TSG101: variants seen among roughly 807,000 people sequenced by gnomAD.
TSG101 encodes tumor susceptibility 101.
Under a neutral mutation model 48.5 loss-of-function variants are expected in TSG101, and 19 were observed. The observed-to-expected ratio is 0.39, with a 90% CI of 0.27 to 0.58. The LOEUF (loss-of-function observed/expected upper bound fraction) is 0.58. TSG101 is among the 20% of genes least tolerant of loss of function. TSG101 has a pLI of 0.55. For missense variants in TSG101, 365 were observed against 484.4 expected, an observed-to-expected ratio of 0.75 and a Z score of 2.31; for synonymous variants, 174 against 169.4, an observed-to-expected ratio of 1.03 and a Z score of -0.21.
At chr11:18,519,711 G>T in intron 1 of TSG101, 108 bp from the exon 2 acceptor site, 1 of 773,538 alleles carries the variant, frequency 1.3e-6, no homozygotes. Flanking sequence ...ATTAATGAAA[G>T]CCTGAAAGAA....
intron 2 of TSG101, among the ~76,000 whole-genome samples, chr11:18,516,508 C>T (rs892506631): frequency 1.3e-5 from 2 of 151,992 alleles, no homozygotes; most frequent in Non-Finnish European, 2.9e-5. Flanking sequence ...CCACACCTGA[C>T]TAATTTTTTG....
chr11:18,493,819 C>T (rs1393823400), intron 7 of TSG101, among the ~76,000 whole-genome samples: 1 of 152,228 alleles, frequency 6.6e-6, no homozygotes, highest in Non-Finnish European at 1.5e-5. Context: ...GCAAACACTG[C>T]AAATCCATTA....
At chr11:18,505,800 G>A (rs1849961401) in intron 6 of TSG101, among the ~76,000 whole-genome samples, 1 of 152,094 alleles carries the variant, frequency 6.6e-6, no homozygotes, top group South Asian at 2.1e-4. Context: ...TTCCTGCAAT[G>A]TATAGAAAAG....
chr11:18,520,507 C>T (rs1316654482), intron 1 of TSG101, among the ~76,000 whole-genome samples: 2 of 152,118 alleles, frequency 1.3e-5, no homozygotes, highest in Non-Finnish European at 2.9e-5. Flanking sequence ...TTTACAGGCA[C>T]GTATGGCCCA....
Position 18,526,779 on chromosome 11 carries a change from G to A in TSG101, c.38C>T (p.Ser13Phe). 6.2e-7 allele frequency: 1 copy of A among 1,602,676 alleles called. No homozygotes were observed. The highest frequency in any genetic ancestry group is 8.5e-7 in the Non-Finnish European group (1 of 1,179,684). Reference sequence around the variant, plus strand: ...GCGAGCGCGTCGCAGCCTCACCTTGGACACCATTTTCTTGAGCTGGCTCTC... The same window carrying A: ...GCGAGCGCGTCGCAGCCTCACCTTGAACACCATTTTCTTGAGCTGGCTCTC... Reference protein sequence around the residue: ...VSESQLKKMVSKYKYRDLTVR... With the variant: ...VSESQLKKMVFKYKYRDLTVR... The change falls in exon 1 of 10, where the codon TCC becomes TTC. Residue 13 changes from serine (S) to phenylalanine (F), a missense_variant. Physicochemically the swap from Ser to Phe is radical, Grantham distance 155 (BLOSUM62 -2). Coordinates refer to ENST00000251968, the MANE Select transcript of TSG101 (RefSeq NM_006292.4).
chr11:18,514,085 C>CAA (rs765168236), intron 4 of TSG101, among the ~76,000 whole-genome samples: 2 of 131,624 alleles, frequency 1.5e-5, no homozygotes, highest in East Asian at 4.3e-4. Context: ...ACTCTGTCTC[C>CAA]AAAAAAAAAA....
At position 18,483,975 on chromosome 11, in the gene TSG101, C is replaced by A. The variant is rs1849583398; in HGVS notation, c.738G>T (p.Met246Ile). ...DKLRWRMKEE[M>I]DRAQAELNAL... ...CATTGAGCTCTGCCTGGGCACGATC[C>A]ATTTCCTCCTTCATCCGCCATCTCA... The change falls in exon 8 of 10, where the codon ATG becomes ATT. Residue 246 changes from methionine to isoleucine, a missense_variant. Coordinates refer to ENST00000251968, the MANE Select transcript of TSG101 (RefSeq NM_006292.4). 1 of 1,614,066 alleles carries A rather than the reference C, an allele frequency of 6.2e-7. No individual in the cohort carries two copies.
intron 7 of TSG101, among the ~76,000 whole-genome samples, chr11:18,486,385 A>G (rs147723427): frequency 3.4e-4 from 52 of 152,378 alleles, no homozygotes; most frequent in African/African-American, 1.2e-3. Context: ...AAAATCCTGC[A>G]TCATCAACAC....
At chr11:18,499,402 A>ATATATATATATATAT in intron 7 of TSG101, among the ~76,000 whole-genome samples, 1 of 5,456 alleles carries the variant, frequency 1.8e-4, no homozygotes, top group Non-Finnish European at 3.5e-4. Flanking sequence ...ATATATATAT[A>ATATATATATATATAT]TTTTTTTTTT....
chr11:18,514,933 T>A, intron 3 of TSG101, 92 bp from the exon 4 acceptor site: 1 of 1,188,366 alleles, frequency 8.4e-7, no homozygotes, highest in Non-Finnish European at 1.1e-6. Flanking sequence ...CTAGATACAA[T>A]TTATACATAT....
At chr11:18,496,472 TAAAATAAAATAAAATAAAA>T (rs1006153790) in intron 7 of TSG101, among the ~76,000 whole-genome samples, 1 of 144,978 alleles carries the variant, frequency 6.9e-6, no homozygotes, top group Admixed American at 6.9e-5. Context: ...TAAAATAAAA[TAAAATAAAATAAAATAAAA>T]TAAAATAAAA....
At chr11:18,511,687 G>A (rs1850085250) in intron 4 of TSG101, among the ~76,000 whole-genome samples, 1 of 152,170 alleles carries the variant, frequency 6.6e-6, no homozygotes, top group African/African-American at 2.4e-5. Flanking sequence ...ATACATTTCA[G>A]TGGCTTTTAT....
intron 5 of TSG101, chr11:18,508,796 C>G (rs895004562): frequency 6.7e-6 from 1 of 149,854 alleles, no homozygotes; most frequent in Non-Finnish European, 1.5e-5. Flanking sequence ...TATAATTTGT[C>G]TTGTAAGATA....
intron 7 of TSG101, among the ~76,000 whole-genome samples, chr11:18,486,596 A>G (rs1467539134): frequency 2.0e-5 from 3 of 152,048 alleles, no homozygotes; most frequent in African/African-American, 7.2e-5. Flanking sequence ...TAGAATGGTG[A>G]TCATTAAAAA....
At chr11:18,520,531 A>G (rs1447799887) in intron 1 of TSG101, among the ~76,000 whole-genome samples, 1 of 152,126 alleles carries the variant, frequency 6.6e-6, no homozygotes, top group Non-Finnish European at 1.5e-5. Flanking sequence ...CTTACTGAAC[A>G]TTTTATTCAC....
intron 6 of TSG101, among the ~76,000 whole-genome samples, chr11:18,503,304 C>T (rs1244168721): frequency 6.6e-6 from 1 of 151,972 alleles, no homozygotes; most frequent in Non-Finnish European, 1.5e-5. Context: ...TATTTGGAGA[C>T]TCCTAAAACT....
chr11:18,489,633 T>C (rs1328730656), intron 7 of TSG101, among the ~76,000 whole-genome samples: 3 of 152,196 alleles, frequency 2.0e-5, no homozygotes, highest in Non-Finnish European at 4.4e-5. Context: ...CCACAAAGAA[T>C]TTAAATTTCA....
At chr11:18,507,123 C>A (rs1295017186) in intron 5 of TSG101, among the ~76,000 whole-genome samples, 200 bp from the exon 6 acceptor site, 1 of 152,198 alleles carries the variant, frequency 6.6e-6, no homozygotes. Context: ...ATACTTATGA[C>A]AATCCCTACC....
At chr11:18,486,106 T>C (rs1301490647) in intron 7 of TSG101, among the ~76,000 whole-genome samples, 2 of 152,224 alleles carry the variant, frequency 1.3e-5, no homozygotes, top group African/African-American at 4.8e-5. Context: ...TTTCCCACCT[T>C]TGGGTAGGGG....
Sources: allele counts gnomAD v4.1 joint callset (sites outside exome capture counted in the v4.1 genomes callset), GRCh38; gene constraint gnomAD v4.1.1; transcripts MANE v1.5; gene names NCBI Gene and HGNC (gene_info 2026-07-23, HGNC 2026-07-21).